The following RBFOX1 variants were observed in gnomAD, a reference collection of about 807,000 sequenced individuals.
RBFOX1 encodes RNA binding fox-1 homolog 1.
Under a neutral mutation model 57.7 loss-of-function variants are expected in RBFOX1, and 8 were observed. That is an observed-to-expected ratio of 0.14 (90% confidence interval 0.08 to 0.25). The LOEUF (loss-of-function observed/expected upper bound fraction) is 0.25, where lower values mean the gene tolerates loss of function less well. RBFOX1 is among the 10% of genes least tolerant of loss of function. The probability of loss-of-function intolerance (pLI) is 1.00; values close to 1 mark genes in which losing one functional copy is unlikely to be tolerated. For missense variants in RBFOX1, 611 were observed against 548.5 expected, an observed-to-expected ratio of 1.11 and a Z score of -1.14; for synonymous variants, 326 against 222.4, an observed-to-expected ratio of 1.47 and a Z score of -4.15.
At chr16:5,641,268 G>T (rs1469027008) in intron 3 of RBFOX1, among the ~76,000 whole-genome samples, 1 of 152,188 alleles carries the variant, frequency 6.6e-6, no homozygotes, top group African/African-American at 2.4e-5. Flanking sequence ...TATTAAATAG[G>T]CTGTGTTCTA....
intron 3 of RBFOX1, among the ~76,000 whole-genome samples, chr16:5,714,115 T>G (rs528050088): frequency 6.6e-6 from 1 of 152,334 alleles, no homozygotes; most frequent in East Asian, 1.9e-4. Flanking sequence ...AGGGACTATC[T>G]TGCATTTCCA....
rs1351664997 is a variant in RBFOX1 at position 7,027,910 on chromosome 16, G to T, written c.-15-24147G>T. Among the ~76,000 whole-genome samples the T allele has an allele frequency of 2.0e-5, 3 of 149,798 alleles. No individual in the cohort carries two copies. The Admixed American group carries it at 2.0e-4, about 10-fold the overall frequency. On this transcript the variant is annotated intron_variant, in intron 3 of 15. Transcript: ENST00000550418. ...AAGAAGGGAGAAGAGAAGGGAGGAA[G>T]AAAAGAAGGGAAAAGAGAAGGAAGG...
In RBFOX1 at chr16:7,177,792, C is replaced by G. The variant is rs117512032; in HGVS notation, c.27+125694C>G. 7.6e-3 allele frequency among the ~76,000 whole-genome samples: 1,162 copies of G among 152,270 alleles called. 7 individuals carry two copies. Among genetic ancestry groups the G allele is most frequent in the East Asian group, 0.045 (230 of 5,160 alleles). Reference sequence around the variant, plus strand: ...ACTCCTCAACTCTTCTGTTGTAGCACAAAAGCCCCTGTGGACAATGCATAA... The same window carrying G: ...ACTCCTCAACTCTTCTGTTGTAGCAGAAAAGCCCCTGTGGACAATGCATAA... On this transcript the variant is annotated intron_variant, in intron 4 of 15. Coordinates refer to ENST00000550418, the MANE Select transcript of RBFOX1 (RefSeq NM_018723.4).
intron 1 of RBFOX1, among the ~76,000 whole-genome samples, chr16:5,465,570 C>A (rs768498904): frequency 1.8e-4 from 27 of 152,156 alleles, no homozygotes; most frequent in Non-Finnish European, 3.1e-4. Context: ...CAAATTGTGA[C>A]TGTAGGTCAA....
At chr16:6,820,730 T>C (rs188400316) in intron 3 of RBFOX1, among the ~76,000 whole-genome samples, 2 of 152,268 alleles carry the variant, frequency 1.3e-5, no homozygotes, top group African/African-American at 4.8e-5. Context: ...TAGAAGATTT[T>C]TTAAGAGCCT....
chr16:5,518,196 T>G (rs1337953081), intron 2 of RBFOX1, among the ~76,000 whole-genome samples: 1 of 152,192 alleles, frequency 6.6e-6, no homozygotes, highest in Non-Finnish European at 1.5e-5. Flanking sequence ...TAATTTAATG[T>G]GATGGATGAT....
At chr16:7,088,020 C>T (rs1345462929) in intron 4 of RBFOX1, among the ~76,000 whole-genome samples, 3 of 152,162 alleles carry the variant, frequency 2.0e-5, no homozygotes, top group Non-Finnish European at 4.4e-5. Flanking sequence ...TAATCTTGCA[C>T]TGGTATAGTA....
At chr16:5,443,444 T>G (rs2068146828) in intron 1 of RBFOX1, among the ~76,000 whole-genome samples, 2 of 152,296 alleles carry the variant, frequency 1.3e-5, no homozygotes, top group South Asian at 4.1e-4. Context: ...TTCAAGTGAT[T>G]CTCATGCCTC....
At chr16:6,204,854 G>T (rs1015728888) in intron 1 of RBFOX1, among the ~76,000 whole-genome samples, 20 of 151,982 alleles carry the variant, frequency 1.3e-4, no homozygotes, top group African/African-American at 4.8e-4. Context: ...CTGCAAAAAG[G>T]GCATTCCAAA....
At chr16:5,442,434 T>C (rs1342239707) in intron 1 of RBFOX1, among the ~76,000 whole-genome samples, 1 of 152,138 alleles carries the variant, frequency 6.6e-6, no homozygotes, top group Non-Finnish European at 1.5e-5. Context: ...AAGTCCACTG[T>C]GGTTGCTATG....
chr16:7,239,007 A>G (rs1567844958), intron 4 of RBFOX1, among the ~76,000 whole-genome samples: 1 of 152,164 alleles, frequency 6.6e-6, no homozygotes, highest in South Asian at 2.1e-4. Flanking sequence ...ACCCCACAGT[A>G]TACATGTACC....
chr16:7,392,516 A>C (rs1403831799), intron 4 of RBFOX1, among the ~76,000 whole-genome samples: 1 of 152,136 alleles, frequency 6.6e-6, no homozygotes, highest in Non-Finnish European at 1.5e-5. Context: ...CTTGAATGGG[A>C]GATATTTAGG....
chr16:5,458,598 G>A (rs1160777675), intron 1 of RBFOX1, among the ~76,000 whole-genome samples: 2 of 152,176 alleles, frequency 1.3e-5, no homozygotes, highest in Non-Finnish European at 2.9e-5. Flanking sequence ...CCTAGACTGG[G>A]CCATCCCAGC....
intron 4 of RBFOX1, among the ~76,000 whole-genome samples, chr16:7,225,967 C>G (rs1252456374): frequency 6.6e-6 from 1 of 150,564 alleles, no homozygotes; most frequent in African/African-American, 2.5e-5. Context: ...ATAGCTGAAT[C>G]AAGGTGACCA....
intron 3 of RBFOX1, among the ~76,000 whole-genome samples, chr16:6,873,111 C>A (rs576434670): frequency 6.0e-5 from 9 of 150,112 alleles, no homozygotes; most frequent in African/African-American, 2.0e-4. Flanking sequence ...ACTTGAGAAA[C>A]TTTTAGTTTC....
chr16:5,426,785 G>C (rs1215576783), intron 1 of RBFOX1, among the ~76,000 whole-genome samples: 1 of 152,166 alleles, frequency 6.6e-6, no homozygotes, highest in Non-Finnish European at 1.5e-5. Context: ...TGCTGGCCAA[G>C]TGCTGGCTAC....
chr16:5,611,824 A>G (rs952423655), intron 3 of RBFOX1, among the ~76,000 whole-genome samples: 1 of 76,634 alleles, frequency 1.3e-5, no homozygotes, highest in South Asian at 5.2e-4. Flanking sequence ...CCACCCATTC[A>G]TCTACTCTCC....
intron 2 of RBFOX1, among the ~76,000 whole-genome samples, chr16:6,495,925 C>G (rs1448867522): frequency 6.6e-6 from 1 of 152,192 alleles, no homozygotes; most frequent in Non-Finnish European, 1.5e-5. Flanking sequence ...AATCCTTGAG[C>G]TTTTCGTTCC....
intron 3 of RBFOX1, among the ~76,000 whole-genome samples, chr16:6,944,181 G>C (rs930509741): frequency 1.3e-5 from 2 of 151,946 alleles, no homozygotes; most frequent in Non-Finnish European, 2.9e-5. Flanking sequence ...TGGATTATGA[G>C]GTCAGGAGTT....
Sources: allele counts gnomAD v4.1 joint callset (sites outside exome capture counted in the v4.1 genomes callset), GRCh38; gene constraint gnomAD v4.1.1; transcripts MANE v1.5; gene names NCBI Gene and HGNC (gene_info 2026-07-23, HGNC 2026-07-21).